The following MGA variants were observed in gnomAD, a reference collection of about 807,000 sequenced individuals.
MGA encodes MAX gene-associated protein.
In MGA, 40 loss-of-function variants were observed where a neutral mutation model predicts 261.1. The observed-to-expected ratio is 0.15, with a 90% CI of 0.12 to 0.20. MGA has a LOEUF of 0.20. MGA is among the 10% of genes least tolerant of loss of function. The pLI is 1.00. For synonymous variants in MGA, 1,302 were observed against 1,290.6 expected (o/e 1.01, Z -0.19); for missense variants, 3,397 against 3,630.5 (o/e 0.94, Z 1.65).
At chr15:41,674,740 G>A (rs997472762) in intron 2 of MGA, among the ~76,000 whole-genome samples, 3 of 152,002 alleles carry the variant, frequency 2.0e-5, no homozygotes, top group Non-Finnish European at 2.9e-5. Context: ...GGATGGTCTC[G>A]ATCTCTTGAC....
At chr15:41,626,908 G>C (rs932985712) in intron 1 of MGA, among the ~76,000 whole-genome samples, 1 of 151,798 alleles carries the variant, frequency 6.6e-6, no homozygotes, top group African/African-American at 2.4e-5. Flanking sequence ...CTGTCACCCA[G>C]GCTGGAGCGC....
chr15:41,712,201 T>A (rs2060419855), intron 8 of MGA, among the ~76,000 whole-genome samples: 1 of 152,108 alleles, frequency 6.6e-6, no homozygotes, highest in African/African-American at 2.4e-5. Flanking sequence ...CAGCCTCTGG[T>A]GCATGTGAAA....
Position 41,686,980 on chromosome 15 carries a change from C to T in MGA, c.1065-9095C>T, listed in dbSNP as rs116004169. The stretch of plus-strand genomic sequence containing the variant: ...AGGGTTATGGTTACCTCATAAAACA[C>T]GTTGCAAAGTGTTCTGTTTTCTGTA... On this transcript the variant is annotated intron_variant, in intron 2 of 23. Coordinates refer to ENST00000219905, the MANE Select transcript of MGA (RefSeq NM_001164273.2). Among the ~76,000 whole-genome samples, 678 of 151,618 alleles carry T rather than the reference C, an allele frequency of 4.5e-3. 5 individuals carry two copies. The highest frequency in any genetic ancestry group is 0.015 in the African/African-American group (632 of 41,378).
Position 41,687,808 on chromosome 15 carries a change from A to C in MGA, c.1065-8267A>C, listed in dbSNP as rs532180590. On this transcript the variant is annotated intron_variant, in intron 2 of 23. Coordinates refer to ENST00000219905, the MANE Select transcript of MGA (RefSeq NM_001164273.2). Reference sequence around the variant, plus strand: ...GTGTATTGTACAGTTGTTGGATATAATATTCTATAAAGGCTTATCAAGTAA... The same window carrying C: ...GTGTATTGTACAGTTGTTGGATATACTATTCTATAAAGGCTTATCAAGTAA... Among the ~76,000 whole-genome samples, 9 of 152,218 alleles carry C rather than the reference A, an allele frequency of 5.9e-5. No individual in the cohort carries two copies. In the South Asian group the frequency reaches 1.9e-3, roughly 32 times the overall value.
chr15:41,668,012 C>T (rs921414730), intron 1 of MGA, among the ~76,000 whole-genome samples: 1 of 151,990 alleles, frequency 6.6e-6, no homozygotes, highest in African/African-American at 2.4e-5. Context: ...CCATGTTGGC[C>T]AGGCTAGTCT....
intron 2 of MGA, among the ~76,000 whole-genome samples, chr15:41,688,443 G>T (rs1476561767): frequency 3.9e-5 from 6 of 152,112 alleles, no homozygotes; most frequent in Admixed American, 3.9e-4. Flanking sequence ...ATAAGTTTTT[G>T]CATGGTTTAT....
At chr15:41,628,621 A>G (rs1354298735) in intron 1 of MGA, among the ~76,000 whole-genome samples, 9 of 152,058 alleles carry the variant, frequency 5.9e-5, no homozygotes, top group African/African-American at 1.7e-4. Context: ...CAAGAAGGCT[A>G]GTGTGCCAGA....
chr15:41,726,315 G>T (rs544200142), intron 9 of MGA, among the ~76,000 whole-genome samples: 9 of 152,334 alleles, frequency 5.9e-5, no homozygotes, highest in Admixed American at 2.0e-4. Context: ...CTCAGGAGTT[G>T]TTGGAGTTAA....
intron 1 of MGA, among the ~76,000 whole-genome samples, chr15:41,640,264 G>A (rs1439378499): frequency 6.6e-6 from 1 of 152,158 alleles, no homozygotes; most frequent in African/African-American, 2.4e-5. Flanking sequence ...GAGTAGTTGA[G>A]TATACAGCAG....
upstream of MGA, among the ~76,000 whole-genome samples, chr15:41,658,713 T>G (rs1182969542): frequency 2.0e-5 from 3 of 151,504 alleles, no homozygotes; most frequent in Admixed American, 6.6e-5. Context: ...GTTTTTTTTT[T>G]GTTTTGTTTT....
At chr15:41,755,875 C>T (rs1233204300) in intron 18 of MGA, among the ~76,000 whole-genome samples, 3 of 152,000 alleles carry the variant, frequency 2.0e-5, no homozygotes, top group African/African-American at 7.3e-5. Flanking sequence ...GCAAATTAGC[C>T]GGGCTTGTTG....
chr15:41,698,198 T>A (rs1430873184), intron 3 of MGA, among the ~76,000 whole-genome samples: 1 of 108,796 alleles, frequency 9.2e-6, no homozygotes, highest in African/African-American at 3.5e-5. Flanking sequence ...TGAGACGGAA[T>A]CTTGCTCTGT....
intron 2 of MGA, among the ~76,000 whole-genome samples, chr15:41,676,032 CAT>C (rs1362015013): frequency 1.3e-5 from 2 of 152,154 alleles, no homozygotes; most frequent in Admixed American, 1.3e-4. Context: ...CCATGTGTGA[CAT>C]AGTTTTCAGA....
intron 22 of MGA, 113 bp from the exon 23 acceptor site, chr15:41,764,773 G>T: frequency 9.5e-7 from 1 of 1,047,298 alleles, no homozygotes; most frequent in South Asian, 1.5e-5. Context: ...TGAACTCCTG[G>T]GCTCAAGTGA....
intron 1 of MGA, among the ~76,000 whole-genome samples, chr15:41,638,262 C>G (rs985694130): frequency 1.3e-5 from 2 of 151,686 alleles, no homozygotes; most frequent in African/African-American, 2.4e-5. Flanking sequence ...AGGCTGGTCT[C>G]GAACTCCTGA....
upstream of MGA, among the ~76,000 whole-genome samples, chr15:41,658,719 G>GT (rs923860264): frequency 2.1e-5 from 3 of 145,894 alleles, no homozygotes; most frequent in South Asian, 2.2e-4. Context: ...TTTTTGTTTT[G>GT]TTTTTTTAAA....
At chr15:41,634,575 C>T (rs948458739) in intron 1 of MGA, among the ~76,000 whole-genome samples, 2 of 152,136 alleles carry the variant, frequency 1.3e-5, no homozygotes, top group African/African-American at 4.8e-5. Flanking sequence ...CATGTTGTTT[C>T]CTCAGGAGAC....
chr15:41,726,683 T>C (rs553971774), intron 9 of MGA, among the ~76,000 whole-genome samples: 1 of 151,402 alleles, frequency 6.6e-6, no homozygotes, highest in African/African-American at 2.4e-5. Flanking sequence ...GAGCCAAGAT[T>C]GCGCCATTGC....
At chr15:41,645,281 T>C (rs1477967922) in intron 1 of MGA, among the ~76,000 whole-genome samples, 1 of 152,214 alleles carries the variant, frequency 6.6e-6, no homozygotes, top group African/African-American at 2.4e-5. Context: ...GTTAGTCTCT[T>C]GGAAGGCATT....
Sources: allele counts gnomAD v4.1 joint callset (sites outside exome capture counted in the v4.1 genomes callset), GRCh38; gene constraint gnomAD v4.1.1; transcripts MANE v1.5; gene names NCBI Gene and HGNC (gene_info 2026-07-23, HGNC 2026-07-21).